COL5A3: variants seen among roughly 807,000 people sequenced by gnomAD.
COL5A3 encodes collagen type V alpha 3 chain.
A neutral mutation model predicts 250.0 loss-of-function variants in COL5A3; 172 were observed. The observed-to-expected ratio is 0.69, with a 90% CI of 0.61 to 0.78. The LOEUF (loss-of-function observed/expected upper bound fraction) is 0.78, where lower values mean the gene tolerates loss of function less well. COL5A3 is among the 30% of genes least tolerant of loss of function. The pLI, the probability that COL5A3 is intolerant of heterozygous loss-of-function variation, is 0.00. For synonymous variants in COL5A3, 937 were observed against 900.4 expected, an observed-to-expected ratio of 1.04 and a Z score of -0.73; for missense variants, 2,340 against 2,334.4, an observed-to-expected ratio of 1.00 and a Z score of -0.05.
chr19:9,968,285 T>G lies in COL5A3; in HGVS notation c.4314+100A>C, dbSNP rs1204295563. The G allele has an allele frequency of 9.1e-7, 1 of 1,099,044 alleles. No individual in the cohort carries two copies. Among genetic ancestry groups the G allele is most frequent in the Non-Finnish European group, 1.3e-6 (1 of 744,574 alleles). The allele number at this position is 1,099,044 out of a possible 1,614,324, so 68.1% of individuals were successfully genotyped here. ...CCCCCTATTTTCCCCACACACACCCTCATTAATCCAGACCCACGTTTCCCA... is the reference window on the plus strand; with the variant it reads ...CCCCCTATTTTCCCCACACACACCCGCATTAATCCAGACCCACGTTTCCCA... On this transcript the variant is annotated intron_variant, in intron 59 of 66. Coordinates refer to ENST00000264828, the MANE Select transcript of COL5A3 (RefSeq NM_015719.4). The surrounding 1 kb of genome is among the most constrained non-coding windows in gnomAD (Gnocchi z 4.1).
At chr19:9,975,074 T>C (rs1419383860) in intron 45 of COL5A3, among the ~76,000 whole-genome samples, 3 of 151,518 alleles carry the variant, frequency 2.0e-5, no homozygotes, top group Admixed American at 6.6e-5. Context: ...TTTTTTTTTT[T>C]TTTTCTTTTC....
In COL5A3 at chr19:9,991,639, G is replaced by T; in HGVS notation, c.1963C>A (p.Gln655Lys). The T allele has an allele frequency of 6.2e-7, 1 of 1,609,448 alleles. No homozygotes were observed. Residue 655 changes from glutamine (Q) to lysine (K), a missense_variant, in exon 24 of 67, where the codon CAG becomes AAG. Transcript: ENST00000264828. ...TCCCCAGGAGTGCCAATGAGTCCCT[G>T]GGGACCGGGGAGTCCCTGGAGACAG... The part of the protein sequence containing the change: ...NHGSQGLPGP[Q>K]GLIGTPGEKG...
intron 8 of COL5A3, among the ~76,000 whole-genome samples, chr19:9,998,787 C>A: frequency 6.6e-6 from 1 of 151,670 alleles, no homozygotes; most frequent in East Asian, 1.9e-4. Flanking sequence ...TGGGTTCTAG[C>A]GATTCTCCTG....
At chr19:9,978,791 T>C (rs2145089957) in intron 40 of COL5A3, 100 bp downstream of exon 40, 1 of 1,030,646 alleles carries the variant, frequency 9.7e-7, no homozygotes, top group East Asian at 3.0e-5. Flanking sequence ...TTTGCTTTCA[T>C]CATTTCCCGC....
intron 31 of COL5A3, among the ~76,000 whole-genome samples, chr19:9,982,500 C>T (rs1392436188): frequency 6.6e-6 from 1 of 152,164 alleles, no homozygotes; most frequent in African/African-American, 2.4e-5. Flanking sequence ...TTTTGTTTTC[C>T]CAAGAACACT....
At chr19:9,995,339 C>G (rs2087254540) in intron 16 of COL5A3, among the ~76,000 whole-genome samples, 1 of 152,234 alleles carries the variant, frequency 6.6e-6, no homozygotes, top group Non-Finnish European at 1.5e-5. Context: ...TCATCTGGTT[C>G]TATTTCAGAT....
At chr19:9,999,716 T>C (rs2087330082) in intron 8 of COL5A3, among the ~76,000 whole-genome samples, 1 of 152,130 alleles carries the variant, frequency 6.6e-6, no homozygotes, top group Non-Finnish European at 1.5e-5. Context: ...TCAGCCCTCC[T>C]CGGCCTCCCA....
At chr19:9,996,787 G>C in intron 11 of COL5A3, 98 bp from the exon 12 acceptor site, 1 of 845,432 alleles carries the variant, frequency 1.2e-6, no homozygotes, top group East Asian at 2.7e-5. Flanking sequence ...GAAAGAGAGA[G>C]AGAGGGAGAG....
chr19:9,971,327 C>A, intron 51 of COL5A3, 69 bp from the exon 52 acceptor site: 2 of 1,199,094 alleles, frequency 1.7e-6, no homozygotes, highest in Admixed American at 3.0e-5. Flanking sequence ...TGGAACAGAT[C>A]AACTGTATCC....
At chr19:9,970,311 G>T (rs557108444) in intron 54 of COL5A3, among the ~76,000 whole-genome samples, 60 of 131,114 alleles carry the variant, frequency 4.6e-4, no homozygotes, top group Non-Finnish European at 6.4e-4. Flanking sequence ...GGGGTGAGTG[G>T]AATCTGTGGG....
In COL5A3 at chr19:9,968,055, G is replaced by T; in HGVS notation, c.4339C>A (p.Leu1447Met). 1 of 1,590,040 alleles carries T rather than the reference G, an allele frequency of 6.3e-7. No individual in the cohort carries two copies. Among genetic ancestry groups the T allele is most frequent in the South Asian group, 1.2e-5 (1 of 86,668 alleles). Residue 1447 changes from leucine to methionine, a missense_variant, in exon 60 of 67, where the codon CTG becomes ATG. Physicochemically the swap from Leu to Met is conservative, Grantham distance 15 (BLOSUM62 2). This residue lies in a region of COL5A3 where 1,179 missense variants were observed against 1,162.6 expected (regional missense o/e 1.01). Coordinates refer to ENST00000264828, the MANE Select transcript of COL5A3 (RefSeq NM_015719.4). This position sits in a 1 kb window ranked among gnomAD's most constrained non-coding sequence, Gnocchi z 4.1. ...ACACCTGGGGGCCCAGGGTGGCCCA[G>T]AGAGCCAATGGGACCAGGGGGACCC... ...DPGPPGPIGS[L>M]GHPGPPGVAG...
intron 52 of COL5A3, 66 bp downstream of exon 52, chr19:9,971,139 G>A (rs2086839827): frequency 4.2e-6 from 6 of 1,416,662 alleles, no homozygotes; most frequent in Admixed American, 2.5e-5. Context: ...GCCCAGGTCT[G>A]TGGGGGTAGG....
rs533740286 is a variant in COL5A3, at chr19:10,007,129, C to T, written c.89-898G>A. 2.7e-5 allele frequency among the ~76,000 whole-genome samples: 4 copies of T among 150,554 alleles called. No individual in the cohort carries two copies. In the East Asian group the frequency reaches 7.9e-4, roughly 30 times the overall value. ...CTGACTCTCCCCTATGACCTCCTCC[C>T]TCTGAGCCTCCCCTCTGATCTCTCC... On this transcript the variant is annotated intron_variant, in intron 1 of 66. Coordinates refer to ENST00000264828, the MANE Select transcript of COL5A3 (RefSeq NM_015719.4).
At chr19:9,970,863 T>C (rs1203799967) in intron 53 of COL5A3, 112 bp downstream of exon 53, 26 of 1,123,162 alleles carry the variant, frequency 2.3e-5, no homozygotes, top group Non-Finnish European at 3.2e-5. Context: ...AGCGGGAGCA[T>C]CTGCAGGGGC....
chr19:9,988,833 CA>C (rs67181648), intron 27 of COL5A3, among the ~76,000 whole-genome samples: 8,452 of 39,394 alleles, frequency 0.21, 87 homozygotes, highest in South Asian at 0.32. Flanking sequence ...GACTCTGTCT[CA>C]AAAAAAAAAA....
rs202241749 is a variant in COL5A3, at chr19:9,974,166, C to T, written c.3504+5G>A. ...CCCCTCCCACCTTCCTCTGGGAGTG[C>T]ATACCATGGACCCGACGTCTCCGAC... is the stretch of plus-strand genomic sequence containing the variant. On this transcript the variant is annotated splice_donor_5th_base_variant and intron_variant, in intron 47 of 66. Transcript: ENST00000264828. 250 of 1,613,800 alleles carry T rather than the reference C, an allele frequency of 1.5e-4. 2 individuals carry two copies. In the East Asian group the frequency reaches 5.0e-3, roughly 33 times the overall value.
chr19:9,988,553 A>G (rs2145113666), intron 27 of COL5A3, among the ~76,000 whole-genome samples: 1 of 151,946 alleles, frequency 6.6e-6, no homozygotes, highest in East Asian at 2.0e-4. Flanking sequence ...CCCTCGGGCC[A>G]GGCACAGTGG....
intron 56 of COL5A3, 41 bp downstream of exon 56, chr19:9,969,534 G>T: frequency 6.3e-7 from 1 of 1,599,412 alleles, no homozygotes; most frequent in Non-Finnish European, 8.5e-7. Context: ...ACAGAGAGGA[G>T]CTGGATCCAC....
chr19:9,986,421 C>A lies in COL5A3; in HGVS notation c.2246G>T (p.Gly749Val), dbSNP rs771773426. ...KGDVGLKGDQ[G>V]KPGAPGPRGE... The stretch of plus-strand genomic sequence containing the variant: ...CCGGGGACCTGGAGCTCCGGGTTTC[C>A]CCTGGAAGAAAAAGGAGAGTATTTA... The change falls in exon 30 of 67, where the codon GGG (glycine) becomes GTG (valine). Residue 749 changes from glycine to valine, a missense_variant and splice_region_variant. Physicochemically the swap from Gly to Val is moderately radical, Grantham distance 109 (BLOSUM62 -3). Around this residue, in one of 3 missense-constraint regions of COL5A3, gnomAD observed 1,152 missense variants for 1,146.3 expected, o/e 1.00. Coordinates refer to ENST00000264828, the MANE Select transcript of COL5A3 (RefSeq NM_015719.4). 16 of 1,613,120 alleles carry A rather than the reference C, an allele frequency of 9.9e-6. No individual in the cohort carries two copies. The highest frequency in any genetic ancestry group is 1.3e-5 in the Non-Finnish European group (15 of 1,179,698).
Sources: gnomAD v4.1 joint callset for allele counts (sites outside exome capture counted in the v4.1 genomes callset) on GRCh38, gnomAD v4.1.1 for gene constraint, gnomAD v4.1.1 regional missense constraint, Gnocchi (gnomAD v3.1) non-coding constraint, MANE v1.5 for transcripts, NCBI Gene and HGNC (gene_info 2026-07-23, HGNC 2026-07-21) for gene names.